KIAA1217: variants seen among roughly 807,000 people sequenced by gnomAD.
The protein encoded by KIAA1217 is sickle tail protein homolog.
A neutral mutation model predicts 163.9 loss-of-function variants in KIAA1217; 88 were observed. That is an observed-to-expected ratio of 0.54 (90% CI 0.45 to 0.64). KIAA1217 has a LOEUF of 0.64. Ranked by LOEUF, KIAA1217 falls within the 30% of genes least tolerant of loss-of-function variation. The pLI, the probability that KIAA1217 is intolerant of heterozygous loss-of-function variation, is 0.00. For synonymous variants in KIAA1217, 903 were observed against 923.1 expected (o/e 0.98, Z 0.39); for missense variants, 2,372 against 2,475.0 (o/e 0.96, Z 0.88).
At chr10:24,372,119 G>A (rs60783221) in intron 2 of KIAA1217, among the ~76,000 whole-genome samples, 18,845 of 152,052 alleles carry the variant, frequency 0.12, 1,302 homozygotes, top group South Asian at 0.29. Flanking sequence ...CAAAAACACC[G>A]GGGGTTTGGT....
intron 2 of KIAA1217, among the ~76,000 whole-genome samples, chr10:24,345,367 A>G (rs1159218212): frequency 2.0e-5 from 3 of 152,222 alleles, no homozygotes; most frequent in Admixed American, 6.5e-5. Context: ...TCCAAATAAA[A>G]AGGGTAACAG....
At chr10:23,830,199 C>A (rs1838111980) in intron 1 of KIAA1217, among the ~76,000 whole-genome samples, 1 of 152,110 alleles carries the variant, frequency 6.6e-6, no homozygotes, top group Non-Finnish European at 1.5e-5. Context: ...CTCAGAAAAG[C>A]AGTTCTTTTT....
At chr10:24,276,094 T>C (rs988829624) in intron 2 of KIAA1217, among the ~76,000 whole-genome samples, 2 of 152,152 alleles carry the variant, frequency 1.3e-5, no homozygotes, top group Non-Finnish European at 2.9e-5. Context: ...GGACTGTCAG[T>C]TTTGTCGTTA....
intron 2 of KIAA1217, among the ~76,000 whole-genome samples, chr10:24,154,114 C>T (rs185379465): frequency 0.041 from 6,180 of 151,586 alleles, 213 homozygotes; most frequent in Non-Finnish European, 0.055. Context: ...CCCGCCACTA[C>T]GCCCGGCTAA....
chr10:23,929,999 A>C (rs1353727258), intron 1 of KIAA1217, among the ~76,000 whole-genome samples: 1 of 152,156 alleles, frequency 6.6e-6, no homozygotes, highest in Non-Finnish European at 1.5e-5. Flanking sequence ...TTATAATCCC[A>C]CTAATAGTGT....
chr10:23,735,184 T>A (rs902036766), intron 1 of KIAA1217, among the ~76,000 whole-genome samples: 1 of 152,214 alleles, frequency 6.6e-6, no homozygotes, highest in South Asian at 2.1e-4. Context: ...AGGGTAATTA[T>A]AGAGTATTCA....
At chr10:24,084,153 A>C (rs1366006600) in intron 2 of KIAA1217, among the ~76,000 whole-genome samples, 1 of 152,146 alleles carries the variant, frequency 6.6e-6, no homozygotes, top group East Asian at 1.9e-4. Context: ...CCCAATTATA[A>C]ATGCAGAATG....
chr10:24,362,421 A>G (rs1023402718), intron 2 of KIAA1217, among the ~76,000 whole-genome samples: 11 of 152,360 alleles, frequency 7.2e-5, no homozygotes, highest in Non-Finnish European at 5.9e-5. Flanking sequence ...TAACAGTAAA[A>G]GAAAAGAAGA....
intron 9 of KIAA1217, among the ~76,000 whole-genome samples, chr10:24,502,749 T>C (rs1259666987): frequency 6.6e-6 from 1 of 152,064 alleles, no homozygotes; most frequent in Non-Finnish European, 1.5e-5. Flanking sequence ...TCCCAGCACT[T>C]TGGGAGGACG....
chr10:24,380,771 A>G, intron 2 of KIAA1217, 98 bp from the exon 3 acceptor site: 1 of 923,182 alleles, frequency 1.1e-6, no homozygotes, highest in Non-Finnish European at 1.6e-6. Context: ...ACCCCTTGCC[A>G]TATTATTTTT....
At chr10:23,993,876 A>G (rs1846342105) in intron 1 of KIAA1217, among the ~76,000 whole-genome samples, 1 of 152,056 alleles carries the variant, frequency 6.6e-6, no homozygotes, top group Non-Finnish European at 1.5e-5. Context: ...AACCGCACCC[A>G]GTCTGTAGTC....
At chr10:23,728,438 T>C (rs900903335) in intron 1 of KIAA1217, among the ~76,000 whole-genome samples, 4 of 152,208 alleles carry the variant, frequency 2.6e-5, no homozygotes, top group African/African-American at 9.6e-5. Flanking sequence ...TTTTTCCATA[T>C]GTTTGTTGGC....
intron 1 of KIAA1217, among the ~76,000 whole-genome samples, chr10:23,917,147 C>T (rs1938048): frequency 0.41 from 61,764 of 151,834 alleles, 15,350 homozygotes; most frequent in African/African-American, 0.7. Context: ...CATTTTAGTG[C>T]GTTAATGACA....
intron 1 of KIAA1217, among the ~76,000 whole-genome samples, chr10:23,742,029 C>T (rs1001311517): frequency 6.6e-6 from 1 of 152,086 alleles, no homozygotes; most frequent in African/African-American, 2.4e-5. Context: ...ACCTTAGGGG[C>T]AGGCAGGCCA....
At chr10:24,240,221 G>A (rs1197128636) in intron 2 of KIAA1217, among the ~76,000 whole-genome samples, 1 of 152,184 alleles carries the variant, frequency 6.6e-6, no homozygotes, top group Admixed American at 6.5e-5. Flanking sequence ...GTTGCCCTGT[G>A]AGTAGTTAGT....
At chr10:23,938,808 T>C (rs1364573397) in intron 1 of KIAA1217, among the ~76,000 whole-genome samples, 1 of 152,170 alleles carries the variant, frequency 6.6e-6, no homozygotes, top group Non-Finnish European at 1.5e-5. Context: ...TGACTGTGTA[T>C]ATGCATACGT....
chr10:23,718,865 A>AAGAG (rs555582752), intron 1 of KIAA1217, among the ~76,000 whole-genome samples: 8 of 143,410 alleles, frequency 5.6e-5, no homozygotes, highest in African/African-American at 2.2e-4. Context: ...AGAGAGAGAG[A>AAGAG]AGAGAGAGAG....
chr10:24,284,567 A>C (rs1490213354), intron 2 of KIAA1217, among the ~76,000 whole-genome samples: 1 of 152,180 alleles, frequency 6.6e-6, no homozygotes, highest in African/African-American at 2.4e-5. Flanking sequence ...TGGTTTTTTA[A>C]AAATGACTGC....
At position 23,895,439 on chromosome 10, in the gene KIAA1217, T is replaced by G. The variant is rs568497834; in HGVS notation, c.-320-111786T>G. 3.9e-5 allele frequency among the ~76,000 whole-genome samples: 6 copies of G among 152,118 alleles called. No homozygotes were observed. In the South Asian group the frequency reaches 1.2e-3, roughly 32 times the overall value. The stretch of plus-strand genomic sequence containing the variant: ...ACAGAAATGCAAATCAAAACCACAA[T>G]GAGATACCATCTCACACCAGTTAGA... On this transcript the variant is annotated intron_variant, in intron 1 of 18. Transcript: ENST00000376462.
Sources: allele counts gnomAD v4.1 joint callset (sites outside exome capture counted in the v4.1 genomes callset), GRCh38; gene constraint gnomAD v4.1.1; transcripts MANE v1.5; gene names NCBI Gene and HGNC (gene_info 2026-07-23, HGNC 2026-07-21).